The following TKFC variants were observed in gnomAD, a reference collection of about 807,000 sequenced individuals.
The protein encoded by TKFC is triokinase/FMN cyclase.
In TKFC, 46 loss-of-function variants were observed where a neutral mutation model predicts 61.0. That is an observed-to-expected ratio of 0.75 (90% CI 0.60 to 0.96). The LOEUF (loss-of-function observed/expected upper bound fraction) is 0.96, where lower values mean the gene tolerates loss of function less well. Ranked by LOEUF, TKFC falls within the 50% of genes least tolerant of loss-of-function variation. The probability of loss-of-function intolerance (pLI) is 0.00; values close to 1 mark genes in which losing one functional copy is unlikely to be tolerated. For synonymous variants in TKFC, 314 were observed against 330.1 expected (o/e 0.95, Z 0.53); for missense variants, 715 against 777.5 (o/e 0.92, Z 0.96).
chr11:61,344,398 T>G (rs1857017665), intron 13 of TKFC, 125 bp downstream of exon 13: 4 of 1,305,800 alleles, frequency 3.1e-6, no homozygotes, highest in Non-Finnish European at 4.1e-6. Context: ...AATCTCACTC[T>G]GTCGCTAGGC....
chr11:61,353,274 C>G (rs1857503147), downstream of TKFC: 24 of 1,138,704 alleles, frequency 2.1e-5, no homozygotes, highest in Admixed American at 5.7e-5. Flanking sequence ...TGGCATTGCC[C>G]ACTACCGTGC....
chr11:61,334,817 TTGAC>T (rs1374349675), intron 2 of TKFC, 86 bp downstream of exon 2: 42 of 1,594,886 alleles, frequency 2.6e-5, no homozygotes, highest in East Asian at 6.8e-5. Flanking sequence ...TCCTTACACT[TTGAC>T]TGAGAGATGC....
At chr11:61,345,823 C>T (rs755164133) in intron 16 of TKFC, 34 bp from the exon 17 acceptor site, 1 of 1,614,178 alleles carries the variant, frequency 6.2e-7, no homozygotes, top group Non-Finnish European at 8.5e-7. Flanking sequence ...GTTGCAGGGC[C>T]CGTGCTCAGC....
chr11:61,337,394 C>T (rs1053907107), intron 2 of TKFC, among the ~76,000 whole-genome samples: 6 of 152,236 alleles, frequency 3.9e-5, no homozygotes, highest in African/African-American at 1.4e-4. Flanking sequence ...GATCTGCCTG[C>T]CTCAGCCTCC....
chr11:61,345,112 A>G, intron 13 of TKFC, 148 bp from the exon 14 acceptor site: 1 of 690,290 alleles, frequency 1.4e-6, no homozygotes, highest in Non-Finnish European at 2.4e-6. Context: ...GCCCCTCTCC[A>G]GACTGCACAC....
downstream of TKFC, chr11:61,350,528 A>C (rs1302290658): frequency 7.0e-7 from 1 of 1,435,634 alleles, no homozygotes; most frequent in Non-Finnish European, 9.6e-7. Context: ...TCCCCATCCA[A>C]GCCACCAAAT....
At chr11:61,352,147 G>C (rs1857442537), downstream of TKFC, 1 of 152,212 alleles carries the variant, frequency 6.6e-6, no homozygotes, top group South Asian at 2.1e-4. Flanking sequence ...CTGACCTTAA[G>C]TCCTAGTTGC....
Position 61,342,643 on chromosome 11 carries a change from G to A in TKFC, c.760G>A (p.Val254Met). 3 of 1,614,068 alleles carry A rather than the reference G, an allele frequency of 1.9e-6. No homozygotes were observed. The highest frequency in any genetic ancestry group is 2.5e-6 in the Non-Finnish European group (3 of 1,180,030). ...GACAAACACCACCAACGCGTCCCAT[G>A]TGCCTGTGCAGCCCGGTGGGTAGCC... ...HMTNTTNASH[V>M]PVQPGSSVVM... Residue 254 changes from valine (V) to methionine (M), a missense_variant, in exon 9 of 18, where the codon GTG becomes ATG. Val to Met is a conservative substitution (Grantham distance 21). Coordinates refer to ENST00000394900, the MANE Select transcript of TKFC (RefSeq NM_015533.4).
chr11:61,336,289 T>C (rs951375577), intron 2 of TKFC: 1 of 154,468 alleles, frequency 6.5e-6, no homozygotes, highest in Non-Finnish European at 1.5e-5. Flanking sequence ...GAGCCAAATT[T>C]TGTACAAAGG....
Position 61,342,648 on chromosome 11 carries a change from T to A in TKFC, c.765T>A (p.Pro255=). 6.2e-7 allele frequency: 1 copy of A among 1,614,058 alleles called. No individual in the cohort carries two copies. Among genetic ancestry groups the A allele is most frequent in the Non-Finnish European group, 8.5e-7 (1 of 1,180,010 alleles). The part of the protein sequence containing the change: ...MTNTTNASHV[P]VQPGSSVVMM... ...ACACCACCAACGCGTCCCATGTGCC[T>A]GTGCAGCCCGGTGGGTAGCCTCTCG... is the stretch of plus-strand genomic sequence containing the variant. Residue 255 remains proline (P), a synonymous_variant, in exon 9 of 18, where the codon CCT becomes CCA. Coordinates refer to ENST00000394900, the MANE Select transcript of TKFC (RefSeq NM_015533.4).
chr11:61,343,636 G>A, intron 11 of TKFC, 178 bp downstream of exon 11: 1 of 857,442 alleles, frequency 1.2e-6, no homozygotes, highest in Non-Finnish European at 1.8e-6. Flanking sequence ...GAAGGAGTTG[G>A]TATTAGGATC....
chr11:61,334,159 C>A (rs896492229), intron 1 of TKFC: 1 of 152,638 alleles, frequency 6.6e-6, no homozygotes, highest in Non-Finnish European at 1.5e-5. Context: ...CTGGCTGTTA[C>A]CTGTATTACC....
In TKFC at chr11:61,346,347, C is replaced by T. The variant is rs544745893; in HGVS notation, c.1576-4C>T. The T allele has an allele frequency of 6.2e-7, 1 of 1,612,450 alleles. No homozygotes were observed. The highest frequency in any genetic ancestry group is 2.2e-5 in the East Asian group (1 of 44,880). The stretch of plus-strand genomic sequence containing the variant: ...TGAACCTGCTCCCACACCCCATCCC[C>T]CAGAGTGCCGAAGCTGCAGCCGAGG... On this transcript the variant is annotated splice_polypyrimidine_tract_variant and splice_region_variant and intron_variant, in intron 17 of 17. Coordinates refer to ENST00000394900, the MANE Select transcript of TKFC (RefSeq NM_015533.4). This position sits in a 1 kb window ranked among gnomAD's most constrained non-coding sequence, Gnocchi z 4.1.
Position 61,349,194 on chromosome 11 carries a change from T to C in TKFC, c.*2691T>C. The C allele has an allele frequency of 4.0e-6, 1 of 247,342 alleles. No individual in the cohort carries two copies. Among genetic ancestry groups the C allele is most frequent in the Non-Finnish European group, 8.3e-6 (1 of 120,512 alleles). The allele number at this position is 247,342 out of a possible 1,614,324, so 15.3% of individuals were successfully genotyped here. On this transcript the variant is annotated 3_prime_UTR_variant, in exon 18 of 18. Coordinates refer to ENST00000394900, the MANE Select transcript of TKFC (RefSeq NM_015533.4). ...CCTTCCCGCTCTCCACCCTATTTCC[T>C]CCCCTGAAGAAGAGCAACAGCTCAA...
rs778807914 is a variant in TKFC at position 61,343,359 on chromosome 11, AT to A, written c.885del (p.Ile295MetfsTer30). The A allele has an allele frequency of 1.2e-6, 2 of 1,614,104 alleles. No homozygotes were observed. The highest frequency in any genetic ancestry group is 3.3e-5 in the Admixed American group (2 of 60,028). Reference protein sequence around the residue: ...VRSLEGRGVKIARALVGTFMS... With the variant: ...VRSLEGRGVKXARALVGTFMS... ...TATTGCAGAGGGCCGCGGGGTGAAGATTGCCCGTGCCCTGGTGGGCACCTTC... is the reference window on the plus strand; with the variant it reads ...TATTGCAGAGGGCCGCGGGGTGAAGATGCCCGTGCCCTGGTGGGCACCTTC... On this transcript the variant is annotated frameshift_variant, in exon 11 of 18. Coordinates refer to ENST00000394900, the MANE Select transcript of TKFC (RefSeq NM_015533.4). LOFTEE classifies it high-confidence loss of function.
chr11:61,338,147 G>GGGGCAGGGGGTACTAGTGGAGT lies in TKFC; in HGVS notation c.193+20_193+41dup, dbSNP rs776159928. 114 of 1,559,464 alleles carry GGGGCAGGGGGTACTAGTGGAGT rather than the reference G, an allele frequency of 7.3e-5. No homozygotes were observed. In the African/African-American group the frequency reaches 1.5e-3, roughly 20 times the overall value. On this transcript the variant is annotated intron_variant, in intron 3 of 17. Coordinates refer to ENST00000394900, the MANE Select transcript of TKFC (RefSeq NM_015533.4). Reference sequence around the variant, plus strand: ...CCCATGCTGGTGAGTATCCTGGGGTGGGGCAGGGGGTACTAGTGGAGTGGA... The same window carrying GGGGCAGGGGGTACTAGTGGAGT: ...CCCATGCTGGTGAGTATCCTGGGGTGGGGCAGGGGGTACTAGTGGAGTGGGCAGGGGGTACTAGTGGAGTGGA...
chr11:61,350,186 G>C (rs113361441), downstream of TKFC: 3 of 613,146 alleles, frequency 4.9e-6, no homozygotes, highest in Non-Finnish European at 8.4e-6. Flanking sequence ...CGGCCGGAGA[G>C]GGCAGGCCCA....
At chr11:61,350,476 C>A, downstream of TKFC, 1 of 1,600,224 alleles carries the variant, frequency 6.2e-7, no homozygotes, top group Admixed American at 1.7e-5. Flanking sequence ...GGAGTCACAC[C>A]AGGCCCAAGC....
At chr11:61,340,596 C>T (rs55644711) in intron 5 of TKFC, among the ~76,000 whole-genome samples, 1 of 2,848 alleles carries the variant, frequency 3.5e-4, no homozygotes, top group African/African-American at 3.9e-4. Flanking sequence ...CCTCATGATC[C>T]ACCCGCCTCG....
Sources: allele counts gnomAD v4.1 joint callset (sites outside exome capture counted in the v4.1 genomes callset), GRCh38; gene constraint gnomAD v4.1.1; non-coding constraint Gnocchi (gnomAD v3.1); transcripts MANE v1.5; gene names NCBI Gene and HGNC (gene_info 2026-07-23, HGNC 2026-07-21).